MAEA: variants seen among roughly 807,000 people sequenced by gnomAD.
MAEA encodes macrophage erythroblast attacher, E3 ubiquitin ligase.
MAEA carries 22 observed loss-of-function variants against 46.2 expected under a neutral mutation model. The ratio of observed to expected loss-of-function variants is 0.48; its 90% CI spans 0.34 to 0.68. The LOEUF (loss-of-function observed/expected upper bound fraction) is 0.68. MAEA is among the 30% of genes least tolerant of loss of function. The pLI is 0.01. For synonymous variants in MAEA, 246 were observed against 222.6 expected, an observed-to-expected ratio of 1.11 and a Z score of -0.94; for missense variants, 393 against 558.1, an observed-to-expected ratio of 0.70 and a Z score of 2.98.
In MAEA at chr4:1,311,827, T is replaced by G; in HGVS notation, c.70-152T>G. 5.9e-6 allele frequency: 4 copies of G among 673,306 alleles called. No individual in the cohort carries two copies. Among genetic ancestry groups the G allele is most frequent in the East Asian group, 2.8e-5 (1 of 35,178 alleles). The allele number at this position is 673,306 out of a possible 1,614,324, so 41.7% of individuals were successfully genotyped here. A position where few individuals can be genotyped will look rare whatever the true frequency, so the allele number is the denominator to read the frequency against. On this transcript the variant is annotated intron_variant, in intron 1 of 8. Transcript: ENST00000303400. This position sits in a 1 kb window ranked among gnomAD's most constrained non-coding sequence, Gnocchi z 4.4. ...TCAGCAGGGCTTTTGTGGGTCTTGG[T>G]TGAGGTTTAGAGTAGATACTTTTGA...
At chr4:1,325,350 C>T (rs1738666592) in intron 4 of MAEA, among the ~76,000 whole-genome samples, 1 of 152,234 alleles carries the variant, frequency 6.6e-6, no homozygotes, top group African/African-American at 2.4e-5. Flanking sequence ...GCGCCTGTCG[C>T]AGGGCGGGCA....
At chr4:1,292,785 C>T (rs1734226883) in intron 1 of MAEA, among the ~76,000 whole-genome samples, 1 of 151,880 alleles carries the variant, frequency 6.6e-6, no homozygotes, top group South Asian at 2.1e-4. Flanking sequence ...TGCGTCCTGG[C>T]TGTGGCTGTG....
Position 1,339,707 on chromosome 4 carries a change from CG to C in MAEA, c.*543del. The C allele has an allele frequency of 6.4e-6, 1 of 155,454 alleles. No homozygotes were observed. The highest frequency in any genetic ancestry group is 2.0e-4 in the South Asian group (1 of 5,066). 9.6% of individuals were successfully genotyped at this position (155,454 alleles called of 1,614,324 possible). ...CCAAAACGCCTGGCGCCGCCACCGTCGGGGGCTGGCTTCGAGGACGCCCGCC... is the reference window on the plus strand; with the variant it reads ...CCAAAACGCCTGGCGCCGCCACCGTCGGGGCTGGCTTCGAGGACGCCCGCC... On this transcript the variant is annotated 3_prime_UTR_variant, in exon 9 of 9. Coordinates refer to ENST00000303400, the MANE Select transcript of MAEA (RefSeq NM_001017405.3).
chr4:1,316,427 T>C (rs1737180176), intron 3 of MAEA, among the ~76,000 whole-genome samples: 1 of 152,084 alleles, frequency 6.6e-6, no homozygotes, highest in Non-Finnish European at 1.5e-5. Flanking sequence ...CTCACCTGAC[T>C]CGGGTTAAGG....
rs766583223 is a variant in MAEA, at chr4:1,339,298, C to A, written c.*129C>A. On this transcript the variant is annotated 3_prime_UTR_variant, in exon 9 of 9. Coordinates refer to ENST00000303400, the MANE Select transcript of MAEA (RefSeq NM_001017405.3). ...CTTGCGACCAAAGATCCGTGAGCAACGATAAATACTCTTAGGAAGAGAGAA... is the reference window on the plus strand; with the variant it reads ...CTTGCGACCAAAGATCCGTGAGCAAAGATAAATACTCTTAGGAAGAGAGAA... The A allele has an allele frequency of 7.4e-6, 5 of 675,058 alleles. No individual in the cohort carries two copies. The highest frequency in any genetic ancestry group is 5.2e-5 in the East Asian group (2 of 38,208). The allele number at this position is 675,058 out of a possible 1,614,324, so 41.8% of individuals were successfully genotyped here. A position where few individuals can be genotyped will look rare whatever the true frequency, so the allele number is the denominator to read the frequency against.
chr4:1,304,835 A>T (rs4974593), intron 1 of MAEA, among the ~76,000 whole-genome samples: 1 of 152,152 alleles, frequency 6.6e-6, no homozygotes, highest in Non-Finnish European at 1.5e-5. Flanking sequence ...TCTTTGTACT[A>T]TGGCTACTAG....
chr4:1,307,435 T>C (rs997178743), intron 1 of MAEA, among the ~76,000 whole-genome samples: 3 of 152,250 alleles, frequency 2.0e-5, no homozygotes, highest in Non-Finnish European at 2.9e-5. Context: ...GGTTGACTTA[T>C]TTCACTTAGC....
chr4:1,301,694 C>T (rs890576088), intron 1 of MAEA, among the ~76,000 whole-genome samples: 14 of 150,846 alleles, frequency 9.3e-5, no homozygotes, highest in African/African-American at 3.5e-4. Context: ...GAGTGACGCC[C>T]TATATGAATG....
intron 6 of MAEA, among the ~76,000 whole-genome samples, chr4:1,333,613 C>T (rs976632236): frequency 6.6e-6 from 1 of 152,086 alleles, no homozygotes; most frequent in Non-Finnish European, 1.5e-5. Context: ...AGACCTGGCC[C>T]CAACCCAGCA....
At chr4:1,338,205 G>T in intron 7 of MAEA, 1 of 503,914 alleles carries the variant, frequency 2.0e-6, no homozygotes, top group African/African-American at 1.9e-5. Context: ...AGGCCGGGGT[G>T]AGAAGGCGCA....
intron 1 of MAEA, among the ~76,000 whole-genome samples, chr4:1,303,566 A>G (rs1191443182): frequency 6.6e-6 from 1 of 152,150 alleles, no homozygotes; most frequent in Non-Finnish European, 1.5e-5. Flanking sequence ...AAACATGCTA[A>G]GTGAGAAAAG....
In MAEA at chr4:1,317,217, GC is replaced by G. The variant is rs1356347218; in HGVS notation, c.456+1618del. Among the ~76,000 whole-genome samples, 5 of 64,776 alleles carry G rather than the reference GC, an allele frequency of 7.7e-5. 1 individual carries two copies. The highest frequency in any genetic ancestry group is 1.2e-4 in the Non-Finnish European group (5 of 40,616). 42.5% of individuals were successfully genotyped at this position (64,776 alleles called of 152,430 possible). On this transcript the variant is annotated intron_variant, in intron 3 of 8. Coordinates refer to ENST00000303400, the MANE Select transcript of MAEA (RefSeq NM_001017405.3). Reference sequence around the variant, plus strand: ...CCCCACACTCCAGACTCACCCGCAGGCTCACCCCAGCCCCCACACTCCAGAC... The same window carrying G: ...CCCCACACTCCAGACTCACCCGCAGGTCACCCCAGCCCCCACACTCCAGAC...
chr4:1,309,922 C>G, intron 1 of MAEA: 4 of 1,284,306 alleles, frequency 3.1e-6, no homozygotes, highest in Non-Finnish European at 3.9e-6. Flanking sequence ...GCCCCGTTCC[C>G]GCGTAGAACT....
intron 2 of MAEA, among the ~76,000 whole-genome samples, chr4:1,313,808 C>T (rs961236354): frequency 1.6e-4 from 24 of 151,062 alleles, no homozygotes; most frequent in Admixed American, 1.3e-3. Context: ...TTTGGAAGGG[C>T]GAGGCAGGTA....
At chr4:1,309,392 C>T (rs1021039693) in intron 1 of MAEA, 60 of 1,249,772 alleles carry the variant, frequency 4.8e-5, no homozygotes, top group South Asian at 3.3e-5. Context: ...TTTTAGGGCC[C>T]GGAGTCACGT....
At position 1,289,943 on chromosome 4, in the gene MAEA, G is replaced by C; in HGVS notation, c.30G>C (p.Leu10Phe). The C allele has an allele frequency of 3.7e-6, 6 of 1,602,386 alleles. No homozygotes were observed. Among genetic ancestry groups the C allele is most frequent in the Non-Finnish European group, 5.1e-6 (6 of 1,174,282 alleles). ...CGGTGCAGGAGTCGGCGGCTCAGTT[G>C]TCCATGACCCTGAAGGTCCAGGAGT... MAVQESAAQ[L>F]SMTLKVQEYP... Residue 10 changes from leucine (L) to phenylalanine (F), a missense_variant, in exon 1 of 9, where the codon TTG (leucine) becomes TTC (phenylalanine). Physicochemically the swap from Leu to Phe is conservative, Grantham distance 22. This residue lies in a region of MAEA where 35 missense variants were observed against 20.1 expected (regional missense o/e 1.74). Transcript: ENST00000303400.
At chr4:1,292,897 T>TTC (rs1553857784) in intron 1 of MAEA, among the ~76,000 whole-genome samples, 1 of 148,738 alleles carries the variant, frequency 6.7e-6, no homozygotes, top group African/African-American at 2.5e-5. Context: ...TTTTTTTTTT[T>TTC]TTTTTTTCTT....
chr4:1,308,658 A>C (rs947982792), intron 1 of MAEA, among the ~76,000 whole-genome samples: 1 of 152,216 alleles, frequency 6.6e-6, no homozygotes, highest in African/African-American at 2.4e-5. Flanking sequence ...TCTCCTGAGC[A>C]GTGGTTGGTC....
At chr4:1,313,000 A>G (rs1736704835) in intron 2 of MAEA, among the ~76,000 whole-genome samples, 1 of 152,218 alleles carries the variant, frequency 6.6e-6, no homozygotes, top group Non-Finnish European at 1.5e-5. Context: ...GATGGAGGTG[A>G]GGACCGATGA....
Sources: allele counts gnomAD v4.1 joint callset (sites outside exome capture counted in the v4.1 genomes callset), GRCh38; gene constraint gnomAD v4.1.1; regional missense constraint gnomAD v4.1.1; non-coding constraint Gnocchi (gnomAD v3.1); transcripts MANE v1.5; gene names NCBI Gene and HGNC (gene_info 2026-07-23, HGNC 2026-07-21).